TFCP2: variants seen among roughly 807,000 people sequenced by gnomAD.
TFCP2 encodes transcription factor CP2, also known as alpha-globin transcription factor CP2.
In TFCP2, 33 loss-of-function variants were observed where a neutral mutation model predicts 73.4. The observed-to-expected ratio is 0.45, with a 90% CI of 0.34 to 0.60. The LOEUF is 0.60. Ranked by LOEUF, TFCP2 falls within the 20% of genes least tolerant of loss-of-function variation. The probability of loss-of-function intolerance (pLI) is 0.01; values close to 1 mark genes in which losing one functional copy is unlikely to be tolerated. For missense variants in TFCP2, 352 were observed against 604.0 expected (o/e 0.58, Z 4.37); for synonymous variants, 193 against 211.6 (o/e 0.91, Z 0.76).
intron 5 of TFCP2, among the ~76,000 whole-genome samples, chr12:51,109,752 CTT>C (rs1940349522): frequency 7.2e-6 from 1 of 138,828 alleles, no homozygotes; most frequent in Admixed American, 7.5e-5. Context: ...AAGTTTTGCT[CTT>C]GTCACCCAGG....
At position 51,095,141 on chromosome 12, in the gene TFCP2, G is replaced by T; in HGVS notation, c.*100C>A. 1 of 1,339,546 alleles carries T rather than the reference G, an allele frequency of 7.5e-7. No homozygotes were observed. Among genetic ancestry groups the T allele is most frequent in the Non-Finnish European group, 1.1e-6 (1 of 930,502 alleles). 83.0% of individuals were successfully genotyped at this position (1,339,546 alleles called of 1,614,324 possible). On this transcript the variant is annotated 3_prime_UTR_variant, in exon 15 of 15. Transcript: ENST00000257915. ...CTCCACACACAGTCAGACGAGTCAG[G>T]TTCTTGCAGACCTTCAAATCTCCAT...
intron 10 of TFCP2, 116 bp downstream of exon 10, chr12:51,103,554 G>A (rs1940159638): frequency 1.5e-6 from 1 of 646,366 alleles, no homozygotes; most frequent in African/African-American, 1.9e-5. Context: ...TCAGAAAAAT[G>A]CAGTAAGATC....
intron 1 of TFCP2, among the ~76,000 whole-genome samples, chr12:51,146,336 G>T (rs1228790000): frequency 6.6e-6 from 1 of 151,694 alleles, no homozygotes; most frequent in East Asian, 1.9e-4. Flanking sequence ...ATATATTTAA[G>T]ATTCCTATAA....
intron 3 of TFCP2, among the ~76,000 whole-genome samples, chr12:51,116,782 T>TA (rs1940537853): frequency 6.6e-6 from 1 of 152,096 alleles, no homozygotes; most frequent in Non-Finnish European, 1.5e-5. Context: ...CACGCCTGAC[T>TA]AATTTTGTAT....
intron 1 of TFCP2, among the ~76,000 whole-genome samples, chr12:51,135,412 G>A (rs966810469): frequency 3.6e-4 from 52 of 144,018 alleles, no homozygotes; most frequent in Non-Finnish European, 7.3e-4. Flanking sequence ...GGGTGACAGA[G>A]TGAGACTGTC....
At chr12:51,154,041 CTTTGA>C (rs1941485850) in intron 1 of TFCP2, among the ~76,000 whole-genome samples, 2 of 21,676 alleles carry the variant, frequency 9.2e-5, no homozygotes, top group South Asian at 4.4e-3. Flanking sequence ...ACACCTGTTA[CTTTGA>C]TTTTTTTACT....
chr12:51,096,082 C>T (rs1939960310), intron 13 of TFCP2, 42 bp from the exon 14 acceptor site: 6 of 1,553,692 alleles, frequency 3.9e-6, no homozygotes, highest in Non-Finnish European at 4.4e-6. Context: ...AAATGAAAAA[C>T]AACCCCTTTA....
chr12:51,125,920 AC>A (rs1269984842), intron 1 of TFCP2, among the ~76,000 whole-genome samples: 1 of 151,450 alleles, frequency 6.6e-6, no homozygotes, highest in Admixed American at 6.6e-5. Flanking sequence ...ACATGGTGAA[AC>A]CCCGCCTCTA....
chr12:51,151,994 T>C (rs1941438357), intron 1 of TFCP2, among the ~76,000 whole-genome samples: 1 of 152,100 alleles, frequency 6.6e-6, no homozygotes, highest in Non-Finnish European at 1.5e-5. Flanking sequence ...GATAACTGAT[T>C]AGGGCAAGAA....
At chr12:51,102,656 T>C (rs1004683114) in intron 10 of TFCP2, among the ~76,000 whole-genome samples, 4 of 151,854 alleles carry the variant, frequency 2.6e-5, no homozygotes, top group Admixed American at 6.6e-5. Context: ...ACCCAGGAGG[T>C]AGAGGTTGCA....
intron 1 of TFCP2, among the ~76,000 whole-genome samples, chr12:51,166,694 G>A (rs893156352): frequency 6.6e-6 from 1 of 152,034 alleles, no homozygotes; most frequent in Non-Finnish European, 1.5e-5. Context: ...TTTCCTACCT[G>A]CCAATCACCT....
intron 6 of TFCP2, 33 bp from the exon 7 acceptor site, chr12:51,107,379 G>A (rs1405364760): frequency 1.9e-6 from 3 of 1,567,906 alleles, no homozygotes; most frequent in Non-Finnish European, 2.6e-6. Context: ...TTAAATTCAG[G>A]TACTCACCTT....
chr12:51,104,742 C>T (rs1278271317), intron 8 of TFCP2, among the ~76,000 whole-genome samples: 8 of 149,714 alleles, frequency 5.3e-5, no homozygotes, highest in African/African-American at 9.8e-5. Flanking sequence ...GACGGAGTCT[C>T]GCTCTCTTGC....
chr12:51,110,472 G>T (rs1940373122), intron 5 of TFCP2, among the ~76,000 whole-genome samples: 1 of 152,158 alleles, frequency 6.6e-6, no homozygotes, highest in South Asian at 2.1e-4. Flanking sequence ...GTGAGGCTGA[G>T]GCAAGAGAAT....
intron 1 of TFCP2, among the ~76,000 whole-genome samples, chr12:51,153,411 GTTTT>G (rs1941471598): frequency 2.3e-5 from 3 of 129,282 alleles, no homozygotes; most frequent in South Asian, 2.6e-4. Flanking sequence ...TTTTTTTTTT[GTTTT>G]TTGTTGTCTA....
intron 1 of TFCP2, among the ~76,000 whole-genome samples, chr12:51,142,153 G>A (rs1265243756): frequency 3.1e-5 from 4 of 130,030 alleles, no homozygotes; most frequent in Admixed American, 1.8e-4. Flanking sequence ...GCAGTGAGCC[G>A]AGATTGTGCC....
intron 7 of TFCP2, chr12:51,106,846 AT>A: frequency 2.0e-6 from 1 of 502,644 alleles, no homozygotes. Flanking sequence ...GTCCCAGGCC[AT>A]TTTTGTTGGT....
At chr12:51,110,412 T>C (rs1428415045) in intron 5 of TFCP2, among the ~76,000 whole-genome samples, 1 of 151,912 alleles carries the variant, frequency 6.6e-6, no homozygotes, top group African/African-American at 2.4e-5. Flanking sequence ...CTACCAAAAA[T>C]ACAAAAATTA....
At chr12:51,138,801 G>A (rs911900842) in intron 1 of TFCP2, among the ~76,000 whole-genome samples, 4 of 152,040 alleles carry the variant, frequency 2.6e-5, no homozygotes, top group African/African-American at 9.7e-5. Context: ...ACCACACCTG[G>A]CTAACTTTCT....
Sources: gnomAD v4.1 joint callset for allele counts (sites outside exome capture counted in the v4.1 genomes callset) on GRCh38, gnomAD v4.1.1 for gene constraint, MANE v1.5 for transcripts, NCBI Gene and HGNC (gene_info 2026-07-23, HGNC 2026-07-21) for gene names.